The following KIF20B variants were observed in gnomAD, a reference collection of about 807,000 sequenced individuals.
KIF20B encodes kinesin family member 20B.
In KIF20B, 188 loss-of-function variants were observed where a neutral mutation model predicts 232.5. The ratio of observed to expected loss-of-function variants is 0.81; its 90% CI spans 0.72 to 0.91. KIF20B has a LOEUF of 0.91. KIF20B is among the 40% of genes least tolerant of loss of function. The probability of loss-of-function intolerance (pLI) is 0.00; values close to 1 mark genes in which losing one functional copy is unlikely to be tolerated. For synonymous variants in KIF20B, 712 were observed against 683.0 expected (o/e 1.04, Z -0.66); for missense variants, 2,154 against 2,055.9 (o/e 1.05, Z -0.92).
At chr10:89,711,765 C>T (rs891433501) in intron 6 of KIF20B, among the ~76,000 whole-genome samples, 1 of 151,916 alleles carries the variant, frequency 6.6e-6, no homozygotes, top group Non-Finnish European at 1.5e-5. Flanking sequence ...AAATCTCTTC[C>T]TACCTTAAAT....
At chr10:89,719,733 T>C (rs773207204) in intron 13 of KIF20B, 27 bp downstream of exon 13, 15 of 1,523,970 alleles carry the variant, frequency 9.8e-6, no homozygotes, top group Non-Finnish European at 1.3e-5. Flanking sequence ...CATACTTCTA[T>C]GCTTGTCTTC....
In KIF20B at chr10:89,711,077, A is replaced by AC. The variant is rs1842829153; in HGVS notation, c.607_608insC (p.Arg203ThrfsTer13). The AC allele has an allele frequency of 3.1e-6, 5 of 1,601,748 alleles. No homozygotes were observed. The South Asian group carries it at 4.5e-5, about 14-fold the overall frequency. ...ACCACATAGATCCAGAGAATACTTA[A>AC]GGTTATCATCAGAACAAGAGAAAGA... On this transcript the variant is annotated frameshift_variant, in exon 6 of 33. Coordinates refer to ENST00000371728, the MANE Select transcript of KIF20B (RefSeq NM_001284259.2). LOFTEE classifies it high-confidence loss of function.
At position 89,738,116 on chromosome 10, in the gene KIF20B, T is replaced by C; in HGVS notation, c.3275T>C (p.Val1092Ala). 6.2e-7 allele frequency: 1 copy of C among 1,609,466 alleles called. No homozygotes were observed. Among genetic ancestry groups the C allele is most frequent in the Admixed American group, 1.7e-5 (1 of 59,830 alleles). The change falls in exon 20 of 33, where the codon GTA becomes GCA. Residue 1092 changes from valine (V) to alanine (A), a missense_variant. Coordinates refer to ENST00000371728, the MANE Select transcript of KIF20B (RefSeq NM_001284259.2). ...CAAATTGAAAAATTGCAGGCAGAAG[T>C]AAAAGGCTATAAGGATGAAAACAAT... Reference protein sequence around the residue: ...EQQIEKLQAEVKGYKDENNRL... With the variant: ...EQQIEKLQAEAKGYKDENNRL...
Position 89,709,499 on chromosome 10 carries a change from A to G in KIF20B, c.351+38A>G. Reference sequence around the variant, plus strand: ...TGTTTTTGTTTTTTGTTTTAAAGATAAAGAGACTTGGCTTAGGCTAAATTG... The same window carrying G: ...TGTTTTTGTTTTTTGTTTTAAAGATGAAGAGACTTGGCTTAGGCTAAATTG... On this transcript the variant is annotated intron_variant, in intron 4 of 32. Transcript: ENST00000371728. 7 of 1,375,692 alleles carry G rather than the reference A, an allele frequency of 5.1e-6. No homozygotes were observed. In the South Asian group the frequency reaches 5.8e-5, roughly 11 times the overall value. 85.2% of individuals were successfully genotyped at this position (1,375,692 alleles called of 1,614,324 possible). A position where few individuals can be genotyped will look rare whatever the true frequency, so the allele number is the denominator to read the frequency against.
intron 26 of KIF20B, among the ~76,000 whole-genome samples, chr10:89,757,319 G>A (rs1213392602): frequency 6.6e-6 from 1 of 151,554 alleles, no homozygotes; most frequent in Admixed American, 6.6e-5. Flanking sequence ...TCCCTTACCT[G>A]TTTCTCTGTT....
chr10:89,762,868 A>T (rs1408662656), intron 29 of KIF20B, 33 bp downstream of exon 29: 1 of 1,441,776 alleles, frequency 6.9e-7, no homozygotes, highest in African/African-American at 1.4e-5. Context: ...AATTTAATGA[A>T]CAAATCTTAT....
Position 89,723,779 on chromosome 10 carries a change from A to T in KIF20B, c.1723-185A>T, listed in dbSNP as rs1160221250. 7 of 507,896 alleles carry T rather than the reference A, an allele frequency of 1.4e-5. No homozygotes were observed. In the Admixed American group the frequency reaches 1.8e-4, roughly 13 times the overall value. The allele number at this position is 507,896 out of a possible 1,614,324, so 31.5% of individuals were successfully genotyped here. A position where few individuals can be genotyped will look rare whatever the true frequency, so the allele number is the denominator to read the frequency against. Reference sequence around the variant, plus strand: ...CTATTTCTAAAATGTGGAAAGGCCAACCTGATTTTTCAGTTAACAAATCTT... The same window carrying T: ...CTATTTCTAAAATGTGGAAAGGCCATCCTGATTTTTCAGTTAACAAATCTT... On this transcript the variant is annotated intron_variant, in intron 13 of 32. Transcript: ENST00000371728.
intron 28 of KIF20B, among the ~76,000 whole-genome samples, chr10:89,762,145 G>A (rs1263110138): frequency 6.6e-6 from 1 of 152,098 alleles, no homozygotes; most frequent in Admixed American, 6.6e-5. Context: ...GACAGAAGTT[G>A]TAATGCTTCT....
chr10:89,717,449 T>C lies in KIF20B; in HGVS notation c.1078T>C (p.Leu360=). The C allele has an allele frequency of 5.0e-6, 8 of 1,593,592 alleles. No individual in the cohort carries two copies. The highest frequency in any genetic ancestry group is 6.0e-6 in the Non-Finnish European group (7 of 1,164,350). ...RSHSIFTVKI[L]QIEDSEMSRV... is the part of the protein sequence containing the mutation. ...TCACAGCATATTCACTGTTAAAATATTACAGATTGAAGATTCTGAAATGTC... is the reference window on the plus strand; with the variant it reads ...TCACAGCATATTCACTGTTAAAATACTACAGATTGAAGATTCTGAAATGTC... The change falls in exon 10 of 33, where the codon TTA becomes CTA. Residue 360 remains leucine (L), a synonymous_variant. Coordinates refer to ENST00000371728, the MANE Select transcript of KIF20B (RefSeq NM_001284259.2).
intron 17 of KIF20B, 48 bp downstream of exon 17, chr10:89,727,944 A>T (rs896400957): frequency 2.1e-6 from 3 of 1,454,132 alleles, no homozygotes; most frequent in Non-Finnish European, 2.8e-6. Context: ...TTAATTAACA[A>T]AGGGGTATGA....
chr10:89,773,408 G>A (rs1158655433), intron 32 of KIF20B, among the ~76,000 whole-genome samples: 1 of 152,002 alleles, frequency 6.6e-6, no homozygotes, highest in Admixed American at 6.6e-5. Context: ...TTAAAAAGAA[G>A]TGGCCAAGAA....
intron 1 of KIF20B, among the ~76,000 whole-genome samples, chr10:89,703,220 C>A (rs1008308865): frequency 2.6e-5 from 4 of 152,084 alleles, no homozygotes; most frequent in Non-Finnish European, 5.9e-5. Context: ...CAGATGCTCC[C>A]CCCTCTGCAC....
At position 89,719,454 on chromosome 10, in the gene KIF20B, G is replaced by T. The variant is rs17484219; in HGVS notation, c.1470G>T (p.Glu490Asp). The T allele has an allele frequency of 0.21, 337,166 of 1,589,586 alleles. 38,260 individuals are homozygous for T. The highest frequency in any genetic ancestry group is 0.23 in the Non-Finnish European group (274,326 of 1,169,752). The stretch of plus-strand genomic sequence containing the variant: ...CAGACACTTTAAATTCCTCTCAAGA[G>T]AAATTATTTGGACCTGTCAAATCTT... ...CVPDTLNSSQEKLFGPVKSSQ... is the reference protein window; with the variant it reads ...CVPDTLNSSQDKLFGPVKSSQ... Residue 490 changes from glutamate to aspartate, a missense_variant, in exon 13 of 33, where the codon GAG becomes GAT. Glu to Asp is a conservative substitution (Grantham distance 45). Coordinates refer to ENST00000371728, the MANE Select transcript of KIF20B (RefSeq NM_001284259.2).
intron 20 of KIF20B, 59 bp from the exon 21 acceptor site, chr10:89,738,899 T>C (rs1436658407): frequency 4.0e-6 from 6 of 1,503,372 alleles, no homozygotes; most frequent in Non-Finnish European, 4.5e-6. Flanking sequence ...CCATTTCACA[T>C]GTATGGTCCT....
intron 18 of KIF20B, among the ~76,000 whole-genome samples, chr10:89,730,603 T>G (rs10881647): frequency 6.6e-6 from 1 of 151,654 alleles, no homozygotes; most frequent in South Asian, 2.1e-4. Flanking sequence ...AGAAGGTACA[T>G]TGGCCTTCCA....
chr10:89,768,611 T>C, intron 30 of KIF20B, 127 bp from the exon 31 acceptor site: 1 of 926,720 alleles, frequency 1.1e-6, no homozygotes, highest in Non-Finnish European at 1.6e-6. Flanking sequence ...TCCCTGTCCT[T>C]ACATACTTAA....
rs1457404587 is a variant in KIF20B, at chr10:89,733,059, A to C, written c.2545+3A>C. ...AGATGAACCACCAGCAAAGAAAGGT[A>C]CTACTTCAGCTGCCAGCAGCAGGCG... On this transcript the variant is annotated splice_donor_region_variant and intron_variant, in intron 19 of 32. Transcript: ENST00000371728. 6.2e-7 allele frequency: 1 copy of C among 1,613,292 alleles called. No homozygotes were observed. Among genetic ancestry groups the C allele is most frequent in the Admixed American group, 1.7e-5 (1 of 59,990 alleles).
Position 89,709,155 on chromosome 10 carries a change from T to C in KIF20B, c.148-12T>C. ...TTCAAAAACACAATGTTTTTCTCCTTTATTTTTTAAGGCAAACAGTTTCGA... is the reference window on the plus strand; with the variant it reads ...TTCAAAAACACAATGTTTTTCTCCTCTATTTTTTAAGGCAAACAGTTTCGA... On this transcript the variant is annotated splice_polypyrimidine_tract_variant and intron_variant, in intron 2 of 32. Transcript: ENST00000371728. 1 of 1,582,962 alleles carries C rather than the reference T, an allele frequency of 6.3e-7. No individual in the cohort carries two copies. The highest frequency in any genetic ancestry group is 1.3e-5 in the African/African-American group (1 of 74,312).
chr10:89,745,459 G>A (rs969691035), intron 22 of KIF20B, among the ~76,000 whole-genome samples: 1 of 152,158 alleles, frequency 6.6e-6, no homozygotes, highest in African/African-American at 2.4e-5. Flanking sequence ...GGAGGTGGAG[G>A]TTGCAGTGAG....
Sources: gnomAD v4.1 joint callset for allele counts (sites outside exome capture counted in the v4.1 genomes callset) on GRCh38, gnomAD v4.1.1 for gene constraint, MANE v1.5 for transcripts, NCBI Gene and HGNC (gene_info 2026-07-23, HGNC 2026-07-21) for gene names.